SHISA6: variants seen among roughly 807,000 people sequenced by gnomAD.
The protein encoded by SHISA6 is shisa family member 6, also known as protein shisa-6.
Under a neutral mutation model 47.9 loss-of-function variants are expected in SHISA6, and 22 were observed. The observed-to-expected ratio is 0.46, with a 90% CI of 0.33 to 0.66. The LOEUF (loss-of-function observed/expected upper bound fraction) is 0.66. Ranked by LOEUF, SHISA6 falls within the 30% of genes least tolerant of loss-of-function variation. The pLI, the probability that SHISA6 is intolerant of heterozygous loss-of-function variation, is 0.02. For missense variants in SHISA6, 680 were observed against 764.6 expected (o/e 0.89, Z 1.30); for synonymous variants, 388 against 337.8 (o/e 1.15, Z -1.63).
At chr17:11,411,617 G>C (rs1478305885) in intron 3 of SHISA6, among the ~76,000 whole-genome samples, 2 of 151,186 alleles carry the variant, frequency 1.3e-5, no homozygotes, top group Non-Finnish European at 3.0e-5. Flanking sequence ...GGCTGGTCTT[G>C]AACTCCTGAT....
In SHISA6 at chr17:11,562,153, T is replaced by C. The variant is rs557474705; in HGVS notation, c.*3849T>C. ...CTTATCCTCCTTTGTCCACAAAGAC[T>C]TGAGGGCCTCCTGAGTCTCCAAGCA... On this transcript the variant is annotated 3_prime_UTR_variant, in exon 6 of 6. Transcript: ENST00000441885. 5 of 152,224 alleles carry C rather than the reference T, an allele frequency of 3.3e-5. No homozygotes were observed. Among genetic ancestry groups the C allele is most frequent in the Admixed American group, 6.5e-5 (1 of 15,294 alleles). The allele number at this position is 152,224 out of a possible 1,614,324, so 9.4% of individuals were successfully genotyped here.
intron 2 of SHISA6, among the ~76,000 whole-genome samples, chr17:11,345,051 G>A (rs539556834): frequency 7.2e-5 from 11 of 152,198 alleles, no homozygotes; most frequent in East Asian, 3.9e-4. Flanking sequence ...TCTGACCTGC[G>A]TTATTTCACT....
At chr17:11,274,181 C>T (rs879901231) in intron 2 of SHISA6, among the ~76,000 whole-genome samples, 7 of 152,172 alleles carry the variant, frequency 4.6e-5, no homozygotes, top group East Asian at 3.9e-4. Context: ...GGAGGCAGCC[C>T]GAATTGGGGA....
chr17:11,300,162 A>AAAG (rs1567565279), intron 2 of SHISA6, among the ~76,000 whole-genome samples: 1 of 151,664 alleles, frequency 6.6e-6, no homozygotes, highest in African/African-American at 2.4e-5. Flanking sequence ...AAAAAAAAAA[A>AAAG]AAAGAAAAAC....
intron 3 of SHISA6, among the ~76,000 whole-genome samples, chr17:11,480,745 T>C (rs1358757150): frequency 6.6e-6 from 1 of 152,196 alleles, no homozygotes; most frequent in Non-Finnish European, 1.5e-5. Flanking sequence ...TCTGTGATGA[T>C]TAAGCTAGTT....
chr17:11,400,137 C>T (rs1011483689), intron 3 of SHISA6, among the ~76,000 whole-genome samples: 27 of 152,146 alleles, frequency 1.8e-4, no homozygotes, highest in Non-Finnish European at 3.4e-4. Flanking sequence ...TAACACTTTT[C>T]CTTAAAGAAT....
At chr17:11,480,603 C>T (rs1386551539) in intron 3 of SHISA6, among the ~76,000 whole-genome samples, 1 of 152,108 alleles carries the variant, frequency 6.6e-6, no homozygotes, top group Non-Finnish European at 1.5e-5. Context: ...CTATGCTCCC[C>T]ACATGGGTTC....
At chr17:11,297,823 T>A (rs935803711) in intron 2 of SHISA6, among the ~76,000 whole-genome samples, 1 of 152,188 alleles carries the variant, frequency 6.6e-6, no homozygotes, top group Non-Finnish European at 1.5e-5. Context: ...GGGGAGATAT[T>A]GCCCTTCAGC....
chr17:11,326,904 A>G (rs1910915156), intron 2 of SHISA6, among the ~76,000 whole-genome samples: 1 of 152,220 alleles, frequency 6.6e-6, no homozygotes, highest in South Asian at 2.1e-4. Flanking sequence ...GCAACGTAGG[A>G]CTTCAGGGAA....
chr17:11,545,841 G>C (rs748413072), intron 3 of SHISA6, among the ~76,000 whole-genome samples: 2 of 152,168 alleles, frequency 1.3e-5, no homozygotes, highest in Non-Finnish European at 2.9e-5. Flanking sequence ...ATGTGGCCTG[G>C]ATTTCCTTAC....
At chr17:11,546,853 A>G (rs1235003864) in intron 3 of SHISA6, among the ~76,000 whole-genome samples, 1 of 152,022 alleles carries the variant, frequency 6.6e-6, no homozygotes, top group African/African-American at 2.4e-5. Context: ...CCCAGGAGGC[A>G]GAGGTTGCAG....
At chr17:11,247,256 G>C (rs532063099) in intron 1 of SHISA6, among the ~76,000 whole-genome samples, 3 of 152,176 alleles carry the variant, frequency 2.0e-5, no homozygotes, top group African/African-American at 7.2e-5. Context: ...ACAGTCCTAC[G>C]GATCCGGAAT....
chr17:11,553,229 G>A (rs772637792), intron 4 of SHISA6, among the ~76,000 whole-genome samples: 5 of 152,176 alleles, frequency 3.3e-5, no homozygotes, highest in Non-Finnish European at 5.9e-5. Context: ...TTTGGAGGCA[G>A]TAACAGAAGC....
intron 2 of SHISA6, among the ~76,000 whole-genome samples, chr17:11,323,097 C>G (rs933610256): frequency 2.0e-5 from 3 of 152,214 alleles, no homozygotes; most frequent in Non-Finnish European, 4.4e-5. Context: ...ACAAGTCCTT[C>G]AGCAAGCAAG....
intron 3 of SHISA6, among the ~76,000 whole-genome samples, chr17:11,472,272 C>A (rs1230845798): frequency 6.6e-6 from 1 of 152,096 alleles, no homozygotes; most frequent in African/African-American, 2.4e-5. Context: ...TCATAGCTTA[C>A]CACGGCCTCG....
intron 2 of SHISA6, among the ~76,000 whole-genome samples, chr17:11,268,795 C>T (rs796119701): frequency 2.0e-5 from 3 of 152,314 alleles, no homozygotes; most frequent in Admixed American, 6.5e-5. Flanking sequence ...TGCTCAAGAG[C>T]TGTTTGTTCA....
chr17:11,299,524 G>A (rs564854759), intron 2 of SHISA6, among the ~76,000 whole-genome samples: 1 of 152,294 alleles, frequency 6.6e-6, no homozygotes, highest in African/African-American at 2.4e-5. Context: ...TTCTGGGCCA[G>A]AAGTCCAAAA....
chr17:11,511,776 A>G (rs1334682345), intron 3 of SHISA6, among the ~76,000 whole-genome samples: 1 of 152,240 alleles, frequency 6.6e-6, no homozygotes, highest in Non-Finnish European at 1.5e-5. Context: ...GCAAAGCACT[A>G]TGCAGCTGGT....
chr17:11,408,744 G>C (rs1009609074), intron 3 of SHISA6, among the ~76,000 whole-genome samples: 1 of 152,202 alleles, frequency 6.6e-6, no homozygotes, highest in African/African-American at 2.4e-5. Context: ...AGGCAGGTGG[G>C]ATGTGGTTGG....
Sources: allele counts gnomAD v4.1 joint callset (sites outside exome capture counted in the v4.1 genomes callset), GRCh38; gene constraint gnomAD v4.1.1; transcripts MANE v1.5; gene names NCBI Gene and HGNC (gene_info 2026-07-23, HGNC 2026-07-21).